PCDH15: variants seen among roughly 807,000 people sequenced by gnomAD.
The protein encoded by PCDH15 is protocadherin related 15.
A neutral mutation model predicts 178.5 loss-of-function variants in PCDH15; 129 were observed. That is an observed-to-expected ratio of 0.72 (90% CI 0.63 to 0.84). PCDH15 has a LOEUF of 0.84. Ranked by LOEUF, PCDH15 falls within the 40% of genes least tolerant of loss-of-function variation. The pLI is 0.00. For missense variants in PCDH15, 2,230 were observed against 2,099.9 expected, an observed-to-expected ratio of 1.06 and a Z score of -1.21; for synonymous variants, 800 against 732.0, an observed-to-expected ratio of 1.09 and a Z score of -1.50.
chr10:55,563,456 C>G (rs997826004), intron 2 of PCDH15, among the ~76,000 whole-genome samples: 3 of 151,762 alleles, frequency 2.0e-5, no homozygotes, highest in African/African-American at 7.2e-5. Flanking sequence ...TCAGCACAGA[C>G]ACAGCCTGCA....
chr10:53,994,089 G>A (rs906731314), intron 21 of PCDH15, among the ~76,000 whole-genome samples: 2 of 152,106 alleles, frequency 1.3e-5, no homozygotes, highest in Admixed American at 6.6e-5. Context: ...AAATACTTAC[G>A]ATAAGTAATT....
At chr10:54,323,650 A>G (rs1371199666) in intron 7 of PCDH15, among the ~76,000 whole-genome samples, 1 of 152,074 alleles carries the variant, frequency 6.6e-6, no homozygotes, top group African/African-American at 2.4e-5. Context: ...CAGTTTTTCA[A>G]TGGGAGCTAA....
chr10:53,914,794 C>T (rs2083410222), intron 25 of PCDH15, among the ~76,000 whole-genome samples: 1 of 152,066 alleles, frequency 6.6e-6, no homozygotes, highest in Non-Finnish European at 1.5e-5. Context: ...CATGTTGTTT[C>T]AATTAAAAGC....
chr10:54,733,456 GA>G (rs1386562889), intron 1 of PCDH15, among the ~76,000 whole-genome samples: 2 of 151,268 alleles, frequency 1.3e-5, no homozygotes, highest in Non-Finnish European at 3.0e-5. Context: ...AAACACAAAA[GA>G]AATGAAAGAA....
intron 2 of PCDH15, among the ~76,000 whole-genome samples, chr10:55,510,735 CCTT>C (rs2132151129): frequency 6.6e-6 from 1 of 151,674 alleles, no homozygotes; most frequent in African/African-American, 2.4e-5. Flanking sequence ...TAATTATCCT[CCTT>C]GTATCAAACA....
chr10:54,157,035 TC>T, intron 13 of PCDH15, among the ~76,000 whole-genome samples: 1 of 152,150 alleles, frequency 6.6e-6, no homozygotes, highest in Non-Finnish European at 1.5e-5. Context: ...GGGGACAGCC[TC>T]CCCCCCAACT....
At chr10:55,542,552 T>C (rs1841789740) in intron 2 of PCDH15, among the ~76,000 whole-genome samples, 1 of 150,688 alleles carries the variant, frequency 6.6e-6, no homozygotes, top group South Asian at 2.1e-4. Flanking sequence ...GATATCAGTA[T>C]ATGTGTATAT....
chr10:53,843,180 T>C (rs1475588110), intron 28 of PCDH15, among the ~76,000 whole-genome samples: 1 of 152,176 alleles, frequency 6.6e-6, no homozygotes, highest in African/African-American at 2.4e-5. Context: ...TGTTAAACTT[T>C]TAAAGATCTT....
At chr10:55,292,476 G>A (rs188964676) in intron 1 of PCDH15, among the ~76,000 whole-genome samples, 11 of 152,054 alleles carry the variant, frequency 7.2e-5, no homozygotes, top group African/African-American at 2.7e-4. Flanking sequence ...CCATCTCCCG[G>A]GTTCAAGCAA....
intron 1 of PCDH15, among the ~76,000 whole-genome samples, chr10:55,191,394 T>A (rs1168978412): frequency 6.6e-6 from 1 of 151,846 alleles, no homozygotes; most frequent in African/African-American, 2.4e-5. Flanking sequence ...TGTAAGATCC[T>A]AAGTATCTCA....
At chr10:54,446,241 T>C (rs1299218425) in intron 3 of PCDH15, among the ~76,000 whole-genome samples, 1 of 151,710 alleles carries the variant, frequency 6.6e-6, no homozygotes, top group Non-Finnish European at 1.5e-5. Flanking sequence ...AGAAATTTTC[T>C]GTTATGAAGG....
rs1463371925 is a variant in PCDH15, at chr10:55,601,724, T to C, written c.-156+25901A>G. Among the ~76,000 whole-genome samples the C allele has an allele frequency of 3.3e-5, 5 of 152,110 alleles. 1 individual carries two copies. The highest frequency in any genetic ancestry group is 4.8e-5 in the African/African-American group (2 of 41,426). On this transcript the variant is annotated intron_variant, in intron 2 of 5. Coordinates refer to the PCDH15 transcript ENST00000613346. ...TTAAGGTAGCAGGAACAAAAAAGAA[T>C]TTCATGTAAGAAAAATCTTCAGATA...
At chr10:55,226,126 G>A (rs192175911) in intron 1 of PCDH15, among the ~76,000 whole-genome samples, 2 of 152,070 alleles carry the variant, frequency 1.3e-5, no homozygotes, top group East Asian at 1.9e-4. Context: ...AATAAGGCTT[G>A]AACAAACAGT....
intron 2 of PCDH15, among the ~76,000 whole-genome samples, chr10:55,523,083 A>T (rs1207201545): frequency 6.6e-6 from 1 of 151,630 alleles, no homozygotes; most frequent in Non-Finnish European, 1.5e-5. Flanking sequence ...TTTTAATGTT[A>T]TGTCTCAGAG....
intron 2 of PCDH15, among the ~76,000 whole-genome samples, chr10:55,563,667 G>C (rs1022546604): frequency 6.6e-6 from 1 of 151,132 alleles, no homozygotes; most frequent in African/African-American, 2.4e-5. Flanking sequence ...CTTGATGGTA[G>C]ATCTACTACA....
At chr10:55,612,412 A>G (rs1287069071) in intron 2 of PCDH15, among the ~76,000 whole-genome samples, 1 of 152,150 alleles carries the variant, frequency 6.6e-6, no homozygotes, top group Non-Finnish European at 1.5e-5. Context: ...TTAAAATTGA[A>G]TATGGCACGT....
intron 2 of PCDH15, among the ~76,000 whole-genome samples, chr10:54,971,243 T>C (rs537315536): frequency 3.3e-5 from 5 of 152,108 alleles, no homozygotes; most frequent in Admixed American, 6.6e-5. Flanking sequence ...GGTGGGGCCT[T>C]GAGGAGGTTC....
At chr10:54,082,816 CAA>C (rs2094455410) in intron 16 of PCDH15, among the ~76,000 whole-genome samples, 1 of 148,336 alleles carries the variant, frequency 6.7e-6, no homozygotes. Context: ...GTAAAAAAAA[CAA>C]CGCATATAAC....
At chr10:54,693,034 T>C (rs1454619698) in intron 1 of PCDH15, among the ~76,000 whole-genome samples, 5 of 151,924 alleles carry the variant, frequency 3.3e-5, no homozygotes, top group Non-Finnish European at 5.9e-5. Context: ...CCTCCCCTCA[T>C]ACCCTACCCC....
Sources: gnomAD v4.1 joint callset for allele counts (sites outside exome capture counted in the v4.1 genomes callset) on GRCh38, gnomAD v4.1.1 for gene constraint, MANE v1.5 for transcripts, NCBI Gene and HGNC (gene_info 2026-07-23, HGNC 2026-07-21) for gene names.